MMRN1: variants seen among roughly 807,000 people sequenced by gnomAD.
MMRN1 encodes multimerin-1.
Under a neutral mutation model 100.7 loss-of-function variants are expected in MMRN1, and 94 were observed. That is an observed-to-expected ratio of 0.93 (90% CI 0.79 to 1.11). The LOEUF is 1.11. Ranked by LOEUF, MMRN1 falls within the 50% of genes least tolerant of loss-of-function variation. MMRN1 has a pLI of 0.00. For synonymous variants in MMRN1, 575 were observed against 505.0 expected, an observed-to-expected ratio of 1.14 and a Z score of -1.86; for missense variants, 1,606 against 1,439.1, an observed-to-expected ratio of 1.12 and a Z score of -1.88.
chr4:89,936,878 AC>A lies in MMRN1; in HGVS notation c.3118+82del, dbSNP rs576610623. On this transcript the variant is annotated intron_variant, in intron 6 of 7. Transcript: ENST00000264790. ...TAATAGATCTGTACAGTTGAGCAAG[AC>A]CATTAAACATAAAACTACATACTTG... 4,594 of 1,298,408 alleles carry A rather than the reference AC, an allele frequency of 3.5e-3. 25 individuals are homozygous for A. The highest frequency in any genetic ancestry group is 3.4e-3 in the Non-Finnish European group (3,295 of 969,948). The allele number at this position is 1,298,408 out of a possible 1,614,324, so 80.4% of individuals were successfully genotyped here.
At chr4:89,928,003 AAC>A (rs757186680) in intron 5 of MMRN1, 35 bp downstream of exon 5, 2 of 1,453,296 alleles carry the variant, frequency 1.4e-6, no homozygotes, top group South Asian at 1.3e-5. Flanking sequence ...TTCATTCAGT[AAC>A]ACAGAAAGCA....
At chr4:89,884,125 G>A (rs561060307) in intron 1 of MMRN1, among the ~76,000 whole-genome samples, 215 of 151,950 alleles carry the variant, frequency 1.4e-3, no homozygotes, top group African/African-American at 5.0e-3. Context: ...TGTAGATTAC[G>A]TCTTGACATC....
chr4:89,904,204 T>C (rs1416346084), intron 1 of MMRN1, among the ~76,000 whole-genome samples: 2 of 151,850 alleles, frequency 1.3e-5, no homozygotes, highest in East Asian at 1.9e-4. Flanking sequence ...TGACAAGAGA[T>C]ATGCAAAATT....
intron 1 of MMRN1, among the ~76,000 whole-genome samples, chr4:89,900,106 T>G (rs969452807): frequency 2.0e-5 from 3 of 152,040 alleles, no homozygotes; most frequent in Non-Finnish European, 4.4e-5. Flanking sequence ...TTTTGCAAAC[T>G]TAAGAAGGAA....
chr4:89,895,733 TTAGA>T (rs1281112477), intron 1 of MMRN1, 139 bp downstream of exon 1: 2 of 1,372,442 alleles, frequency 1.5e-6, no homozygotes, highest in African/African-American at 1.5e-5. Flanking sequence ...ACCATTTCAG[TTAGA>T]TAAAGTTATT....
chr4:89,885,934 A>C (rs1361871547), intron 1 of MMRN1, among the ~76,000 whole-genome samples: 1 of 151,960 alleles, frequency 6.6e-6, no homozygotes, highest in Non-Finnish European at 1.5e-5. Context: ...AACTTTGGGA[A>C]AATTTTGATC....
chr4:89,930,829 T>C (rs1159423271), intron 5 of MMRN1, among the ~76,000 whole-genome samples: 1 of 152,098 alleles, frequency 6.6e-6, no homozygotes, highest in Non-Finnish European at 1.5e-5. Flanking sequence ...TCAATATTTA[T>C]TGAATAAATG....
At chr4:89,949,740 A>G (rs956253142) in intron 6 of MMRN1, among the ~76,000 whole-genome samples, 3 of 152,226 alleles carry the variant, frequency 2.0e-5, no homozygotes, top group African/African-American at 7.2e-5. Flanking sequence ...TTCTCATTAC[A>G]TAAGTACAAT....
In MMRN1 at chr4:89,895,465, T is replaced by C. The variant is rs1721170328; in HGVS notation, c.494T>C (p.Ile165Thr). The C allele has an allele frequency of 5.0e-6, 8 of 1,613,560 alleles. No individual in the cohort carries two copies. Among genetic ancestry groups the C allele is most frequent in the East Asian group, 2.2e-5 (1 of 44,748 alleles). ...SLNTVGGTGG[I>T]GGVGGTGGVG... is the part of the protein sequence containing the mutation. ...AACACAGTTGGAGGCACTGGAGGCATTGGAGGCGTTGGAGGCACTGGAGGC... is the reference window on the plus strand; with the variant it reads ...AACACAGTTGGAGGCACTGGAGGCACTGGAGGCGTTGGAGGCACTGGAGGC... The change falls in exon 1 of 8, where the codon ATT (isoleucine) becomes ACT (threonine). Residue 165 changes from isoleucine to threonine, a missense_variant. Physicochemically the swap from Ile to Thr is moderately conservative, Grantham distance 89. Transcript: ENST00000264790.
rs1553925642 is a variant in MMRN1, at chr4:89,953,377, C to G, written c.3646C>G (p.Pro1216Ala). 3.1e-6 allele frequency: 5 copies of G among 1,612,198 alleles called. No homozygotes were observed. The highest frequency in any genetic ancestry group is 4.2e-6 in the Non-Finnish European group (5 of 1,179,254). The change falls in exon 8 of 8, where the codon CCT becomes GCT. Residue 1216 changes from proline to alanine, a missense_variant. Pro to Ala is a conservative substitution (Grantham distance 27). Coordinates refer to ENST00000264790, the MANE Select transcript of MMRN1 (RefSeq NM_007351.3). ...AKGTIPAKFPPVTTFSGYLLY... is the reference protein window; with the variant it reads ...AKGTIPAKFPAVTTFSGYLLY... ...AGGAACAATTCCAGCCAAGTTTCCC[C>G]CTGTTACTACATTTAGTGGCTATTT...
chr4:89,917,090 C>T (rs748768518), intron 3 of MMRN1, among the ~76,000 whole-genome samples: 1 of 151,372 alleles, frequency 6.6e-6, no homozygotes, highest in African/African-American at 2.4e-5. Context: ...CACACATCCT[C>T]GTGTGTGTGT....
At chr4:89,888,196 G>T (rs1720979029) in intron 1 of MMRN1, among the ~76,000 whole-genome samples, 1 of 151,842 alleles carries the variant, frequency 6.6e-6, no homozygotes, top group Non-Finnish European at 1.5e-5. Flanking sequence ...TTAGCGCAAT[G>T]GGTTTCTCTA....
intron 3 of MMRN1, among the ~76,000 whole-genome samples, chr4:89,918,098 C>T (rs73831856): frequency 0.14 from 21,859 of 150,934 alleles, 2,318 homozygotes; most frequent in East Asian, 0.3. Flanking sequence ...CTTTTTCTTA[C>T]ATAATTGGCC....
chr4:89,889,487 C>T (rs1721003635), intron 1 of MMRN1, among the ~76,000 whole-genome samples: 1 of 152,110 alleles, frequency 6.6e-6, no homozygotes, highest in East Asian at 1.9e-4. Context: ...TAGTAGGTTT[C>T]AGTTCCCTGC....
upstream of MMRN1, among the ~76,000 whole-genome samples, chr4:89,893,758 G>A (rs1721107074): frequency 1.3e-5 from 2 of 151,824 alleles, no homozygotes; most frequent in Non-Finnish European, 2.9e-5. Flanking sequence ...AGAATGAGGG[G>A]TTATGTAACT....
intron 3 of MMRN1, among the ~76,000 whole-genome samples, chr4:89,918,131 T>C (rs1357354085): frequency 1.3e-5 from 2 of 151,140 alleles, no homozygotes; most frequent in African/African-American, 4.8e-5. Context: ...TTGTTTCAAA[T>C]AGTATATATA....
upstream of MMRN1, among the ~76,000 whole-genome samples, chr4:89,893,836 G>A (rs1721109397): frequency 6.6e-6 from 1 of 152,052 alleles, no homozygotes; most frequent in African/African-American, 2.4e-5. Flanking sequence ...AACTTAGTTT[G>A]TATATCTATT....
chr4:89,907,426 G>A (rs150872159), intron 1 of MMRN1, among the ~76,000 whole-genome samples: 1 of 151,326 alleles, frequency 6.6e-6, no homozygotes, highest in Non-Finnish European at 1.5e-5. Context: ...TTTATGTGTT[G>A]TTTTCTGGAA....
At chr4:89,888,962 AT>A (rs1296754905) in intron 1 of MMRN1, among the ~76,000 whole-genome samples, 1 of 151,662 alleles carries the variant, frequency 6.6e-6, no homozygotes, top group Non-Finnish European at 1.5e-5. Context: ...ACATTTTCTT[AT>A]TTTTTATTTG....
Sources: allele counts gnomAD v4.1 joint callset (sites outside exome capture counted in the v4.1 genomes callset), GRCh38; gene constraint gnomAD v4.1.1; transcripts MANE v1.5; gene names NCBI Gene and HGNC (gene_info 2026-07-23, HGNC 2026-07-21).